Variants in SERGEF observed in about 807,000 individuals in gnomAD.
SERGEF encodes the protein secretion-regulating guanine nucleotide exchange factor.
A neutral mutation model predicts 50.0 loss-of-function variants in SERGEF; 51 were observed. The observed-to-expected ratio is 1.02, with a 90% CI of 0.81 to 1.29. The LOEUF is 1.29. SERGEF is among the 50% of genes most tolerant of loss of function. The pLI, the probability that SERGEF is intolerant of heterozygous loss-of-function variation, is 0.00. For synonymous variants in SERGEF, 205 were observed against 212.4 expected (o/e 0.97, Z 0.30); for missense variants, 521 against 557.0 (o/e 0.94, Z 0.65).
rs1286735775 is a variant in SERGEF at position 18,004,825 on chromosome 11, G to A, written c.353-290C>T. Among the ~76,000 whole-genome samples the A allele has an allele frequency of 3.9e-5, 6 of 152,150 alleles. No homozygotes were observed. The East Asian group carries it at 9.6e-4, about 24-fold the overall frequency. On this transcript the variant is annotated intron_variant, in intron 3 of 10. Transcript: ENST00000265965. ...AGGATAGTAATTTTTCATTTTTCATGTTTCCATGTGACAAAATTTCCATTA... is the reference window on the plus strand; with the variant it reads ...AGGATAGTAATTTTTCATTTTTCATATTTCCATGTGACAAAATTTCCATTA...
rs1008470967 is a variant in SERGEF, at chr11:17,991,810, C to T, written c.685+1121G>A. Among the ~76,000 whole-genome samples, 1 of 152,090 alleles carries T rather than the reference C, an allele frequency of 6.6e-6. No homozygotes were observed. The highest frequency in any genetic ancestry group is 1.5e-5 in the Non-Finnish European group (1 of 68,032). On this transcript the variant is annotated intron_variant, in intron 7 of 10. Transcript: ENST00000265965. This position sits in a 1 kb window ranked among gnomAD's most constrained non-coding sequence, Gnocchi z 4.9. ...CTGGGCTGCATTGCAAATTTGATGT[C>T]GAAGAATGCATACCACCATTAATTT...
chr11:18,001,068 C>A (rs1231179247), intron 4 of SERGEF, among the ~76,000 whole-genome samples: 1 of 152,226 alleles, frequency 6.6e-6, no homozygotes, highest in Admixed American at 6.5e-5. Context: ...CAAACACCTA[C>A]CCCCAGTGAC....
At chr11:18,011,161 C>G (rs1590253259) in intron 1 of SERGEF, among the ~76,000 whole-genome samples, 1 of 151,610 alleles carries the variant, frequency 6.6e-6, no homozygotes, top group Admixed American at 6.6e-5. Context: ...CACACACACA[C>G]ACACACCCCT....
intron 10 of SERGEF, among the ~76,000 whole-genome samples, chr11:17,823,843 C>T (rs1005348690): frequency 6.6e-6 from 1 of 152,208 alleles, no homozygotes; most frequent in Non-Finnish European, 1.5e-5. Context: ...TATCCATTCT[C>T]CTCTTCTTTC....
In SERGEF at chr11:17,918,433, A is replaced by G. The variant is rs149421190; in HGVS notation, c.1012-40189T>C. Reference sequence around the variant, plus strand: ...CCAGGAACTTGTCAGCACTTCATTTATATCAACATAAGAAAAAGCACCTCC... The same window carrying G: ...CCAGGAACTTGTCAGCACTTCATTTGTATCAACATAAGAAAAAGCACCTCC... On this transcript the variant is annotated intron_variant, in intron 9 of 10. Coordinates refer to ENST00000265965, the MANE Select transcript of SERGEF (RefSeq NM_012139.4). 2.7e-3 allele frequency among the ~76,000 whole-genome samples: 407 copies of G among 152,242 alleles called. 1 individual carries two copies. Among genetic ancestry groups the G allele is most frequent in the African/African-American group, 9.0e-3 (375 of 41,536 alleles).
intron 7 of SERGEF, among the ~76,000 whole-genome samples, chr11:17,992,341 C>T (rs2133999859): frequency 6.6e-6 from 1 of 152,112 alleles, no homozygotes; most frequent in East Asian, 1.9e-4. Context: ...TAGATAGATA[C>T]ACAAATGGAG....
chr11:17,932,057 GAA>G (rs59428595), intron 9 of SERGEF, among the ~76,000 whole-genome samples: 1 of 150,824 alleles, frequency 6.6e-6, no homozygotes, highest in Non-Finnish European at 1.5e-5. Flanking sequence ...TGGTGTTTTG[GAA>G]AAAAAAACAG....
rs373862984 is a variant in SERGEF at position 17,944,207 on chromosome 11, G to C, written c.1011+15263C>G. ...CTCCCAAAGTGCTGGGATTACAGGT[G>C]TCAGCCACCGTGCCCGGCCTTTATT... On this transcript the variant is annotated intron_variant, in intron 9 of 10. Transcript: ENST00000265965. Among the ~76,000 whole-genome samples, 6 of 152,114 alleles carry C rather than the reference G, an allele frequency of 3.9e-5. No homozygotes were observed. The East Asian group carries it at 1.2e-3, about 29-fold the overall frequency.
chr11:17,900,358 C>T (rs747727360), intron 9 of SERGEF, among the ~76,000 whole-genome samples: 2 of 152,098 alleles, frequency 1.3e-5, no homozygotes, highest in African/African-American at 2.4e-5. Context: ...TACAAAGTAC[C>T]CTATACATGA....
At chr11:17,975,075 A>G (rs1853341020) in intron 8 of SERGEF, among the ~76,000 whole-genome samples, 2 of 152,234 alleles carry the variant, frequency 1.3e-5, no homozygotes, top group African/African-American at 4.8e-5. Context: ...CTATGCACAC[A>G]GTAACTTTCC....
chr11:18,006,496 CA>C (rs1479492309), intron 3 of SERGEF, 94 bp downstream of exon 3: 12 of 1,280,534 alleles, frequency 9.4e-6, no homozygotes, highest in Admixed American at 2.3e-5. Context: ...TTTTTAAACA[CA>C]AAGAGGCTTT....
In SERGEF at chr11:17,788,428, G is replaced by A; in HGVS notation, c.1049-15C>T. On this transcript the variant is annotated splice_polypyrimidine_tract_variant and intron_variant, in intron 10 of 10. Coordinates refer to ENST00000265965, the MANE Select transcript of SERGEF (RefSeq NM_012139.4). ...ACACACTCCACCTGTGAAGGAGAGGGAAGACTGCTGTAGAAGAGGTTTTGG... is the reference window on the plus strand; with the variant it reads ...ACACACTCCACCTGTGAAGGAGAGGAAAGACTGCTGTAGAAGAGGTTTTGG... 6.3e-7 allele frequency: 1 copy of A among 1,587,318 alleles called. No individual in the cohort carries two copies. Among genetic ancestry groups the A allele is most frequent in the Middle Eastern group, 1.7e-4 (1 of 5,940 alleles).
intron 3 of SERGEF, among the ~76,000 whole-genome samples, chr11:18,004,896 C>A (rs911705962): frequency 2.0e-5 from 3 of 152,340 alleles, no homozygotes; most frequent in Admixed American, 6.5e-5. Context: ...CCCATCCTCA[C>A]TGCTTTCTAG....
chr11:17,902,625 G>C (rs1457345669), intron 9 of SERGEF, among the ~76,000 whole-genome samples: 1 of 152,174 alleles, frequency 6.6e-6, no homozygotes, highest in Non-Finnish European at 1.5e-5. Context: ...CATGTACAAA[G>C]AACATAAGTT....
chr11:17,815,128 A>C (rs1003951605), intron 10 of SERGEF, among the ~76,000 whole-genome samples: 1 of 152,200 alleles, frequency 6.6e-6, no homozygotes, highest in Non-Finnish European at 1.5e-5. Context: ...GCAAGGCTGC[A>C]GTGAGCTACC....
rs116401598 is a variant in SERGEF, at chr11:17,914,119, T to C, written c.1012-35875A>G. Among the ~76,000 whole-genome samples the C allele has an allele frequency of 5.3e-3, 800 of 152,342 alleles. 10 individuals carry two copies. The highest frequency in any genetic ancestry group is 0.018 in the African/African-American group (767 of 41,578). On this transcript the variant is annotated intron_variant, in intron 9 of 10. Coordinates refer to ENST00000265965, the MANE Select transcript of SERGEF (RefSeq NM_012139.4). ...TAGGCTACAGCCAAAATGAACTACTTGCTGATCCCTGAACTCAGTCTGTGA... is the reference window on the plus strand; with the variant it reads ...TAGGCTACAGCCAAAATGAACTACTCGCTGATCCCTGAACTCAGTCTGTGA...
At position 18,006,578 on chromosome 11, in the gene SERGEF, G is replaced by A; in HGVS notation, c.352+13C>T. ...CTTTGTGGTGACAAAAATCTACCTA[G>A]GAGTGAACTCACCTGTGAGCATAAT... On this transcript the variant is annotated intron_variant, in intron 3 of 10. Transcript: ENST00000265965. The A allele has an allele frequency of 6.2e-7, 1 of 1,612,290 alleles. No homozygotes were observed. Among genetic ancestry groups the A allele is most frequent in the Non-Finnish European group, 8.5e-7 (1 of 1,179,246 alleles).
intron 10 of SERGEF, among the ~76,000 whole-genome samples, chr11:17,869,440 T>C (rs1301612938): frequency 2.0e-5 from 3 of 152,148 alleles, no homozygotes; most frequent in Non-Finnish European, 2.9e-5. Flanking sequence ...TATAACAAAA[T>C]ACCTTAGACC....
chr11:17,853,644 G>C (rs1850755223), intron 10 of SERGEF: 1 of 152,240 alleles, frequency 6.6e-6, no homozygotes, highest in South Asian at 2.1e-4. Flanking sequence ...CTCAACCTTT[G>C]CAATAGCTTC....
Sources: allele counts gnomAD v4.1 joint callset (sites outside exome capture counted in the v4.1 genomes callset), GRCh38; gene constraint gnomAD v4.1.1; non-coding constraint Gnocchi (gnomAD v3.1); transcripts MANE v1.5; gene names NCBI Gene and HGNC (gene_info 2026-07-23, HGNC 2026-07-21).